The following SCN9A variants were observed in gnomAD, a reference collection of about 807,000 sequenced individuals.
SCN9A encodes sodium voltage-gated channel alpha subunit 9, also known as sodium channel protein type 9 subunit alpha.
A neutral mutation model predicts 187.0 loss-of-function variants in SCN9A; 131 were observed. The ratio of observed to expected loss-of-function variants is 0.70; its 90% CI spans 0.61 to 0.81. The LOEUF (loss-of-function observed/expected upper bound fraction) is 0.81, where lower values mean the gene tolerates loss of function less well. Among genes scored for constraint, SCN9A ranks in the 30% least tolerant of loss-of-function variants. SCN9A has a pLI of 0.00. For synonymous variants in SCN9A, 809 were observed against 808.6 expected (o/e 1.00, Z -0.01); for missense variants, 2,252 against 2,396.6 (o/e 0.94, Z 1.26).
chr2:166,288,382 T>C lies in SCN9A; in HGVS notation c.1314+55A>G, dbSNP rs932128190. 1.6e-5 allele frequency: 23 copies of C among 1,431,676 alleles called. No individual in the cohort carries two copies. In the African/African-American group the frequency reaches 3.1e-4, roughly 19 times the overall value. The allele number at this position is 1,431,676 out of a possible 1,614,324, so 88.7% of individuals were successfully genotyped here. A position where few individuals can be genotyped will look rare whatever the true frequency, so the allele number is the denominator to read the frequency against. On this transcript the variant is annotated intron_variant, in intron 10 of 26. Coordinates refer to ENST00000642356, the MANE Select transcript of SCN9A (RefSeq NM_001365536.1). Reference sequence around the variant, plus strand: ...CCAAGCATATACCGCAGAGCCTCTGTTGTAACCGTTTGCATTTCTACCTCT... The same window carrying C: ...CCAAGCATATACCGCAGAGCCTCTGCTGTAACCGTTTGCATTTCTACCTCT...
At position 166,225,528 on chromosome 2, in the gene SCN9A, A is replaced by G. The variant is rs112451169; in HGVS notation, c.4398+1039T>C. Among the ~76,000 whole-genome samples, 205 of 152,252 alleles carry G rather than the reference A, an allele frequency of 1.3e-3. 1 individual carries two copies. Among genetic ancestry groups the G allele is most frequent in the African/African-American group, 4.8e-3 (201 of 41,540 alleles). On this transcript the variant is annotated intron_variant, in intron 24 of 26. Coordinates refer to ENST00000642356, the MANE Select transcript of SCN9A (RefSeq NM_001365536.1). ...ATATATGACCTTGGGTAAGTCACTT[A>G]ACCTCTGTGTGCCTTTCCTCATTTG...
intron 24 of SCN9A, among the ~76,000 whole-genome samples, chr2:166,225,008 T>A (rs1426724908): frequency 6.6e-6 from 1 of 152,128 alleles, no homozygotes; most frequent in Non-Finnish European, 1.5e-5. Context: ...ATCTCCTGCT[T>A]CCATATTCTT....
At chr2:166,215,620 A>G (rs982787169) in intron 24 of SCN9A, among the ~76,000 whole-genome samples, 1 of 152,064 alleles carries the variant, frequency 6.6e-6, no homozygotes, top group African/African-American at 2.4e-5. Flanking sequence ...ATAAACTATT[A>G]ATGTGAACAA....
intron 24 of SCN9A, among the ~76,000 whole-genome samples, chr2:166,222,942 C>CAAAAA (rs1558960810): frequency 1.8e-5 from 1 of 55,294 alleles, no homozygotes. Flanking sequence ...AAAAAAAAAA[C>CAAAAA]AACAAAAAAA....
chr2:166,302,267 A>AC (rs1698588252), intron 7 of SCN9A: 7 of 152,168 alleles, frequency 4.6e-5, no homozygotes, highest in African/African-American at 1.7e-4. Context: ...TCTTCATCCA[A>AC]TATTCATCAA....
chr2:166,290,712 C>A (rs1030320270), intron 9 of SCN9A, among the ~76,000 whole-genome samples: 1 of 152,092 alleles, frequency 6.6e-6, no homozygotes, highest in Non-Finnish European at 1.5e-5. Flanking sequence ...TAAATGTCTT[C>A]TTTTGAGAAG....
intron 7 of SCN9A, among the ~76,000 whole-genome samples, chr2:166,299,592 A>G (rs1310517832): frequency 6.6e-6 from 1 of 150,616 alleles, no homozygotes; most frequent in Non-Finnish European, 1.5e-5. Flanking sequence ...TGAATTCTAA[A>G]TGTCAGAGTT....
intron 18 of SCN9A, 127 bp from the exon 19 acceptor site, chr2:166,242,783 A>C: frequency 1.7e-6 from 1 of 591,550 alleles, no homozygotes; most frequent in Non-Finnish European, 2.8e-6. Context: ...CTATACTTGC[A>C]ATTTCAGATA....
chr2:166,232,059 T>C (rs1380340668), intron 21 of SCN9A, among the ~76,000 whole-genome samples: 1 of 152,168 alleles, frequency 6.6e-6, no homozygotes, highest in Non-Finnish European at 1.5e-5. Flanking sequence ...GTTTGTCTGC[T>C]ATACAAACGG....
chr2:166,328,576 C>A (rs964086017), intron 1 of SCN9A, among the ~76,000 whole-genome samples: 1 of 151,866 alleles, frequency 6.6e-6, no homozygotes, highest in Non-Finnish European at 1.5e-5. Context: ...TCTGAAAACT[C>A]AAGTTGAGAG....
At chr2:166,369,918 C>T (rs1029092998) in intron 1 of SCN9A, among the ~76,000 whole-genome samples, 1 of 152,088 alleles carries the variant, frequency 6.6e-6, no homozygotes, top group Non-Finnish European at 1.5e-5. Flanking sequence ...AATCCTCCAG[C>T]CTCGGCCTCC....
chr2:166,271,520 T>C (rs993424322), intron 17 of SCN9A, among the ~76,000 whole-genome samples: 6 of 151,986 alleles, frequency 3.9e-5, no homozygotes, highest in African/African-American at 1.5e-4. Context: ...CAAAGCTGGT[T>C]AGGGCCATAG....
Position 166,333,631 on chromosome 2 carries a change from A to T in SCN9A, c.-50-21825T>A, listed in dbSNP as rs530977363. Among the ~76,000 whole-genome samples the T allele has an allele frequency of 5.3e-5, 8 of 152,126 alleles. No individual in the cohort carries two copies. In the South Asian group the frequency reaches 8.3e-4, roughly 16 times the overall value. On this transcript the variant is annotated intron_variant, in intron 1 of 26. Coordinates refer to ENST00000642356, the MANE Select transcript of SCN9A (RefSeq NM_001365536.1). The stretch of plus-strand genomic sequence containing the variant: ...AGAACACAATACCATATTTCATGAC[A>T]TAACTTGTTTTTTTTTATTTTTCAG...
At chr2:166,224,812 A>G (rs936977468) in intron 24 of SCN9A, among the ~76,000 whole-genome samples, 5 of 152,170 alleles carry the variant, frequency 3.3e-5, no homozygotes, top group African/African-American at 1.2e-4. Flanking sequence ...TAGAAAAAGC[A>G]ATTCTGGAGC....
chr2:166,347,466 A>G (rs1699927777), intron 1 of SCN9A, among the ~76,000 whole-genome samples: 1 of 152,196 alleles, frequency 6.6e-6, no homozygotes, highest in Non-Finnish European at 1.5e-5. Flanking sequence ...TGGGAGATCA[A>G]CATGCCTAGT....
chr2:166,239,221 TCAAAA>T (rs1157974303), intron 19 of SCN9A, among the ~76,000 whole-genome samples: 6 of 130,080 alleles, frequency 4.6e-5, no homozygotes, highest in Non-Finnish European at 6.5e-5. Context: ...AGACTCTGTC[TCAAAA>T]AAAAAAAAAA....
intron 1 of SCN9A, among the ~76,000 whole-genome samples, chr2:166,312,757 G>A (rs1290579472): frequency 1.3e-5 from 2 of 151,724 alleles, no homozygotes; most frequent in East Asian, 1.9e-4. Context: ...GTACCTCTCC[G>A]TTAGAGCTCT....
intron 7 of SCN9A, among the ~76,000 whole-genome samples, chr2:166,298,443 T>C (rs1698413110): frequency 6.6e-6 from 1 of 152,156 alleles, no homozygotes; most frequent in Admixed American, 6.5e-5. Context: ...CCAAAGGAAA[T>C]CTACAAATTG....
intron 4 of SCN9A, 122 bp downstream of exon 4, chr2:166,306,388 G>T: frequency 1.5e-6 from 1 of 681,284 alleles, no homozygotes; most frequent in African/African-American, 1.8e-5. Flanking sequence ...AGAAAAGCAA[G>T]CATATAACAT....
Sources: gnomAD v4.1 joint callset for allele counts (sites outside exome capture counted in the v4.1 genomes callset) on GRCh38, gnomAD v4.1.1 for gene constraint, MANE v1.5 for transcripts, NCBI Gene and HGNC (gene_info 2026-07-23, HGNC 2026-07-21) for gene names.